CXCL13: variants seen among roughly 807,000 people sequenced by gnomAD.
CXCL13 encodes the protein C-X-C motif chemokine ligand 13.
CXCL13 carries 7 observed loss-of-function variants against 12.2 expected under a neutral mutation model. The ratio of observed to expected loss-of-function variants is 0.57; its 90% CI spans 0.33 to 1.07. CXCL13 has a LOEUF of 1.07. Ranked by LOEUF, CXCL13 falls within the 50% of genes least tolerant of loss-of-function variation. The probability of loss-of-function intolerance (pLI) is 0.04; values close to 1 mark genes in which losing one functional copy is unlikely to be tolerated. For missense variants in CXCL13, 113 were observed against 127.4 expected, an observed-to-expected ratio of 0.89 and a Z score of 0.55; for synonymous variants, 47 against 42.4, an observed-to-expected ratio of 1.11 and a Z score of -0.42.
intron 1 of CXCL13, among the ~76,000 whole-genome samples, chr4:77,548,321 A>G: frequency 6.6e-6 from 1 of 152,354 alleles, no homozygotes; most frequent in East Asian, 1.9e-4. Flanking sequence ...CTTTACAAAA[A>G]TGACTGCAGT....
At chr4:77,516,128 C>T (rs557397828) in intron 1 of CXCL13, among the ~76,000 whole-genome samples, 9 of 152,144 alleles carry the variant, frequency 5.9e-5, no homozygotes, top group East Asian at 1.9e-4. Flanking sequence ...TTGCATATAT[C>T]GAACCAGACT....
intron 1 of CXCL13, among the ~76,000 whole-genome samples, chr4:77,595,513 C>T (rs185543176): frequency 2.6e-5 from 4 of 152,040 alleles, no homozygotes; most frequent in Non-Finnish European, 4.4e-5. Flanking sequence ...TTGAACCATG[C>T]GGGAAGATCA....
intron 1 of CXCL13, among the ~76,000 whole-genome samples, chr4:77,569,050 C>A (rs995126159): frequency 1.3e-5 from 2 of 152,106 alleles, no homozygotes; most frequent in African/African-American, 4.8e-5. Context: ...CACTAAGGTG[C>A]CTTTTAAGCA....
At chr4:77,564,941 G>A (rs546451381) in intron 1 of CXCL13, among the ~76,000 whole-genome samples, 2 of 152,200 alleles carry the variant, frequency 1.3e-5, no homozygotes, top group Non-Finnish European at 2.9e-5. Context: ...AACATCCACA[G>A]ACCTTGGGGA....
chr4:77,519,628 G>T (rs946345486), intron 1 of CXCL13, among the ~76,000 whole-genome samples: 4 of 152,116 alleles, frequency 2.6e-5, no homozygotes, highest in Non-Finnish European at 4.4e-5. Context: ...TTTGTCAGAT[G>T]GGTCAATTGC....
In CXCL13 at chr4:77,554,535, A is replaced by G. The variant is rs76272735; in HGVS notation, c.-43+42747A>G. Among the ~76,000 whole-genome samples, 1,421 of 152,300 alleles carry G rather than the reference A, an allele frequency of 9.3e-3. 20 individuals carry two copies. The highest frequency in any genetic ancestry group is 0.032 in the African/African-American group (1,334 of 41,576). The stretch of plus-strand genomic sequence containing the variant: ...ATCTCTTCTCTCAGTAGTTGGTAAA[A>G]CAGAAAACTCAGTAAGAATATAGAA... On this transcript the variant is annotated intron_variant, in intron 1 of 4. Coordinates refer to the CXCL13 transcript ENST00000286758.
upstream of CXCL13, among the ~76,000 whole-genome samples, chr4:77,601,566 T>C (rs1375637837): frequency 1.3e-5 from 2 of 152,240 alleles, no homozygotes; most frequent in Non-Finnish European, 2.9e-5. Flanking sequence ...CAGAGAACTC[T>C]GGAGTCATAA....
intron 1 of CXCL13, among the ~76,000 whole-genome samples, chr4:77,589,050 T>C (rs1183296467): frequency 6.6e-6 from 1 of 152,208 alleles, no homozygotes; most frequent in Non-Finnish European, 1.5e-5. Context: ...CCTTTTGCAA[T>C]TTATAGAAAT....
chr4:77,566,644 C>T (rs577434060), intron 1 of CXCL13, among the ~76,000 whole-genome samples: 13 of 152,034 alleles, frequency 8.6e-5, no homozygotes, highest in Middle Eastern at 6.8e-3. Context: ...GCTTTTGTTT[C>T]TCTTAGTAAG....
chr4:77,573,913 A>T (rs904473430), intron 1 of CXCL13, among the ~76,000 whole-genome samples: 3 of 151,940 alleles, frequency 2.0e-5, no homozygotes, highest in Admixed American at 1.3e-4. Flanking sequence ...GGTCTTGTGA[A>T]AACCATGTGC....
rs533887100 is a variant in CXCL13 at position 77,547,831 on chromosome 4, T to C, written c.-43+36043T>C. Among the ~76,000 whole-genome samples the C allele has an allele frequency of 3.9e-5, 6 of 152,336 alleles. No homozygotes were observed. The South Asian group carries it at 8.3e-4, about 21-fold the overall frequency. ...TGATGCAGTTTCTTCCTAGCATTGA[T>C]GGTCTTTACAATTTGGTATGTTTTT... On this transcript the variant is annotated intron_variant, in intron 1 of 4. Coordinates refer to the CXCL13 transcript ENST00000286758.
intron 1 of CXCL13, among the ~76,000 whole-genome samples, chr4:77,527,738 C>T (rs181399681): frequency 3.3e-5 from 5 of 152,044 alleles, no homozygotes; most frequent in Admixed American, 2.0e-4. Flanking sequence ...TGTAAAGCCA[C>T]CTTCAAACTT....
intron 1 of CXCL13, among the ~76,000 whole-genome samples, chr4:77,542,700 C>G (rs1725234813): frequency 6.6e-6 from 1 of 152,162 alleles, no homozygotes; most frequent in Non-Finnish European, 1.5e-5. Context: ...AATCTTGCAT[C>G]CCAGGAATGA....
intron 1 of CXCL13, among the ~76,000 whole-genome samples, chr4:77,520,196 G>T (rs574362964): frequency 6.6e-6 from 1 of 152,068 alleles, no homozygotes; most frequent in Admixed American, 6.5e-5. Context: ...TTGGCAATGC[G>T]GGCTCTTTTT....
intron 1 of CXCL13, among the ~76,000 whole-genome samples, chr4:77,513,580 T>G (rs1024379731): frequency 6.6e-6 from 1 of 152,026 alleles, no homozygotes; most frequent in Non-Finnish European, 1.5e-5. Context: ...GCCTCCTGAG[T>G]AGCTGGGACT....
At chr4:77,597,339 C>T (rs554728116) in intron 1 of CXCL13, among the ~76,000 whole-genome samples, 1 of 151,934 alleles carries the variant, frequency 6.6e-6, no homozygotes, top group Non-Finnish European at 1.5e-5. Flanking sequence ...GGAATGCATT[C>T]ATTTTGAATA....
intron 1 of CXCL13, among the ~76,000 whole-genome samples, chr4:77,586,813 A>C (rs1015915478): frequency 5.9e-5 from 9 of 152,186 alleles, no homozygotes; most frequent in African/African-American, 2.2e-4. Context: ...GCTCTAGGGA[A>C]ATTTTATAGC....
chr4:77,535,833 C>A (rs1360912446), intron 1 of CXCL13, among the ~76,000 whole-genome samples: 2 of 152,128 alleles, frequency 1.3e-5, no homozygotes, highest in East Asian at 3.8e-4. Context: ...GTAAAGCCAC[C>A]TTCAGCATTT....
chr4:77,597,658 A>G (rs1418824436), intron 1 of CXCL13, among the ~76,000 whole-genome samples: 1 of 152,182 alleles, frequency 6.6e-6, no homozygotes, highest in Non-Finnish European at 1.5e-5. Context: ...TTTCCCCACC[A>G]AGAGTCTTGG....
Sources: allele counts gnomAD v4.1 joint callset (sites outside exome capture counted in the v4.1 genomes callset), GRCh38; gene constraint gnomAD v4.1.1; transcripts MANE v1.5; gene names NCBI Gene and HGNC (gene_info 2026-07-23, HGNC 2026-07-21).